Variants in HOOK2 observed in about 807,000 individuals in gnomAD.
HOOK2 encodes the protein protein Hook homolog 2.
In HOOK2, 108 loss-of-function variants were observed where a neutral mutation model predicts 111.9. The ratio of observed to expected loss-of-function variants is 0.96; its 90% CI spans 0.83 to 1.13. The LOEUF is 1.13. HOOK2 is among the 50% of genes most tolerant of loss of function. HOOK2 has a pLI of 0.00. For missense variants in HOOK2, 978 were observed against 951.3 expected (o/e 1.03, Z -0.37); for synonymous variants, 405 against 394.3 (o/e 1.03, Z -0.32).
chr19:12,763,287 G>A lies in HOOK2; in HGVS notation c.2155C>T (p.His719Tyr). ...TGGCTTGATTGTGAGGTCTGTCAGT[G>A]CTTGTCAGTGGGGCGAAGGTTCAGA... ...ASLNLRPTDK[H>Y] Residue 719 changes from histidine to tyrosine, a missense_variant, in exon 23 of 23, where the codon CAC (histidine) becomes TAC (tyrosine). Around this residue, in one of 5 missense-constraint regions of HOOK2, gnomAD observed 277 missense variants for 265.8 expected, o/e 1.04. Transcript: ENST00000397668. The A allele has an allele frequency of 1.5e-5, 24 of 1,613,306 alleles. No homozygotes were observed. The highest frequency in any genetic ancestry group is 1.9e-5 in the Non-Finnish European group (23 of 1,179,830).
chr19:12,775,996 GCCTCCCGA>G (rs1421640656), upstream of HOOK2, among the ~76,000 whole-genome samples: 12 of 144,332 alleles, frequency 8.3e-5, no homozygotes, highest in Admixed American at 8.4e-4. Context: ...TCCTGCCTCA[GCCTCCCGA>G]GTAGCTGGGA....
At chr19:12,768,629 A>C (rs1968225339) in intron 11 of HOOK2, among the ~76,000 whole-genome samples, 1 of 151,738 alleles carries the variant, frequency 6.6e-6, no homozygotes, top group Admixed American at 6.6e-5. Flanking sequence ...TTTTTTAAAA[A>C]AAATTTAAAA....
intron 13 of HOOK2, 132 bp from the exon 14 acceptor site, chr19:12,767,596 C>T (rs1016492921): frequency 7.7e-6 from 7 of 906,396 alleles, no homozygotes; most frequent in Middle Eastern, 2.2e-4. Context: ...GCTCCATCCC[C>T]GGCTTGATAG....
chr19:12,777,462 AG>A (rs1405439362), upstream of HOOK2, among the ~76,000 whole-genome samples: 1 of 152,202 alleles, frequency 6.6e-6, no homozygotes, highest in Non-Finnish European at 1.5e-5. Context: ...CCTGGACGTC[AG>A]GGGGGAGACC....
upstream of HOOK2, among the ~76,000 whole-genome samples, chr19:12,782,940 T>C (rs1163374976): frequency 6.6e-6 from 1 of 151,602 alleles, no homozygotes; most frequent in Admixed American, 6.6e-5. Flanking sequence ...AGGCGCGTGT[T>C]TCCTTTCCCC....
At chr19:12,770,280 G>C (rs1968278590) in intron 10 of HOOK2, among the ~76,000 whole-genome samples, 198 bp from the exon 11 acceptor site, 1 of 152,070 alleles carries the variant, frequency 6.6e-6, no homozygotes, top group African/African-American at 2.4e-5. Context: ...GGTTAGCCCA[G>C]GGTTATAATC....
intron 3 of HOOK2, 28 bp from the exon 4 acceptor site, chr19:12,773,072 A>G: frequency 1.2e-6 from 2 of 1,610,696 alleles, no homozygotes; most frequent in Non-Finnish European, 1.7e-6. Context: ...ACTGTGGACA[A>G]GTTCAGAGGC....
chr19:12,774,685 G>A lies in HOOK2; in HGVS notation c.188C>T (p.Pro63Leu). 7 of 1,614,124 alleles carry A rather than the reference G, an allele frequency of 4.3e-6. No individual in the cohort carries two copies. The highest frequency in any genetic ancestry group is 5.9e-6 in the Non-Finnish European group (7 of 1,179,986). The change falls in exon 3 of 23, where the codon CCC (proline) becomes CTC (leucine). Residue 63 changes from proline to leucine, a missense_variant. Transcript: ENST00000397668. The part of the protein sequence containing the change: ...WLQGISEDPG[P>L]NWKLKVSNLK... ...ACTTGTCACCTTCAGCTTCCAGTTG[G>A]GACCTGGATCTTCCGAGATGCCCTG...
chr19:12,766,163 TCCTCCTGCCGCTCCCGGTCGGCCG>T lies in HOOK2; in HGVS notation c.1427_1450del (p.Ala476_Glu483del). The stretch of plus-strand genomic sequence containing the variant: ...GGCATCCTCCAGGTGGCGCTGCAGC[TCCTCCTGCCGCTCCCGGTCGGCCG>T]CCTCCTGCCTGCACAGCCGCTTGTT... On this transcript the variant is annotated inframe_deletion, in exon 15 of 23. Transcript: ENST00000397668. 1 of 1,596,120 alleles carries T rather than the reference TCCTCCTGCCGCTCCCGGTCGGCCG, an allele frequency of 6.3e-7. No individual in the cohort carries two copies. The highest frequency in any genetic ancestry group is 1.7e-5 in the Admixed American group (1 of 59,420).
intron 1 of HOOK2, 152 bp from the exon 2 acceptor site, chr19:12,775,049 C>T (rs1968456430): frequency 2.7e-6 from 3 of 1,118,440 alleles, no homozygotes; most frequent in East Asian, 5.1e-5. Context: ...CTTCTGCTCA[C>T]CTGAGACCGG....
At chr19:12,771,655 G>T (rs1296448805) in intron 7 of HOOK2, among the ~76,000 whole-genome samples, 178 bp from the exon 8 acceptor site, 2 of 152,118 alleles carry the variant, frequency 1.3e-5, no homozygotes, top group Non-Finnish European at 2.9e-5. Flanking sequence ...GGCTGAGGCG[G>T]GTGGGTTACC....
At chr19:12,775,024 TCTGCGAGG>T in intron 1 of HOOK2, 127 bp from the exon 2 acceptor site, 1 of 1,123,354 alleles carries the variant, frequency 8.9e-7, no homozygotes, top group Non-Finnish European at 1.3e-6. Context: ...CCACAGCAGC[TCTGCGAGG>T]GACTGGCTTC....
Position 12,786,827 on chromosome 19 carries a change from G to C in HOOK2, n.42-12602C>G, listed in dbSNP as rs532052929. ...TCCCACATGCTGGCCTGTCCACAGA[G>C]ACCCGTGCCCCTCTGTCTGTGCCCC... On this transcript the variant is annotated intron_variant and non_coding_transcript_variant, in intron 3 of 3. Coordinates refer to the HOOK2 transcript ENST00000589765. The surrounding 1 kb of genome is among the most constrained non-coding windows in gnomAD (Gnocchi z 4.3). 1.2e-3 allele frequency among the ~76,000 whole-genome samples: 189 copies of C among 152,186 alleles called. No homozygotes were observed. Among genetic ancestry groups the C allele is most frequent in the Non-Finnish European group, 2.1e-3 (146 of 68,030 alleles).
At chr19:12,764,557 T>C in intron 20 of HOOK2, 1 of 501,506 alleles carries the variant, frequency 2.0e-6, no homozygotes, top group South Asian at 2.5e-5. Context: ...CTCAAACTCC[T>C]GACCTCATGT....
At chr19:12,772,716 G>T (rs1336262502) in intron 5 of HOOK2, 36 bp from the exon 6 acceptor site, 1 of 1,614,004 alleles carries the variant, frequency 6.2e-7, no homozygotes, top group Non-Finnish European at 8.5e-7. Context: ...AGACCCAGGG[G>T]TGAGGTGGGG....
rs1289343327 is a variant in HOOK2 at position 12,763,436 on chromosome 19, A to G, written c.2011-5T>C. 2.5e-6 allele frequency: 4 copies of G among 1,613,706 alleles called. No individual in the cohort carries two copies. The highest frequency in any genetic ancestry group is 3.4e-6 in the Non-Finnish European group (4 of 1,179,800). On this transcript the variant is annotated splice_region_variant and splice_polypyrimidine_tract_variant and intron_variant, in intron 22 of 22. Coordinates refer to ENST00000397668, the MANE Select transcript of HOOK2 (RefSeq NM_013312.3). ...TCGCTGCTGCAAGGCCATGCCCTTC[A>G]GGAGGAGGTGTGGTTGGGGTCAGGT...
chr19:12,771,317 C>G lies in HOOK2; in HGVS notation c.603G>C (p.Leu201=). The G allele has an allele frequency of 1.2e-6, 2 of 1,603,208 alleles. No homozygotes were observed. The highest frequency in any genetic ancestry group is 1.7e-6 in the Non-Finnish European group (2 of 1,174,428). The change falls in exon 9 of 23, where the codon CTG becomes CTC. Residue 201 remains leucine (L), a splice_region_variant and synonymous_variant. Transcript: ENST00000397668. Reference sequence around the variant, plus strand: ...TCTGCTTCTCCTCTGACAGGAGCATCAGCTGCGGGCAGGGCAGAAAGATGA... The same window carrying G: ...TCTGCTTCTCCTCTGACAGGAGCATGAGCTGCGGGCAGGGCAGAAAGATGA... ...QQRCLDLERQ[L]MLLSEEKQSL...
rs1011466366 is a variant in HOOK2, at chr19:12,790,168, C to G, written n.42-15943G>C. 1.3e-5 allele frequency among the ~76,000 whole-genome samples: 2 copies of G among 152,178 alleles called. No individual in the cohort carries two copies. The highest frequency in any genetic ancestry group is 1.3e-4 in the Admixed American group (2 of 15,282). ...GGAGAGGATGGTGGCTGGAGGCTGCCGCGGCTGGGCGGGCTCCAAGCACCC... is the reference window on the plus strand; with the variant it reads ...GGAGAGGATGGTGGCTGGAGGCTGCGGCGGCTGGGCGGGCTCCAAGCACCC... On this transcript the variant is annotated intron_variant and non_coding_transcript_variant, in intron 3 of 3. Coordinates refer to the HOOK2 transcript ENST00000589765. The surrounding 1 kb of genome is among the most constrained non-coding windows in gnomAD (Gnocchi z 7.2).
chr19:12,777,826 A>G (rs1283554751), upstream of HOOK2, among the ~76,000 whole-genome samples: 1 of 152,258 alleles, frequency 6.6e-6, no homozygotes, highest in African/African-American at 2.4e-5. Flanking sequence ...AGCGGGGGTC[A>G]ATGGAAAGTG....
Sources: gnomAD v4.1 joint callset for allele counts (sites outside exome capture counted in the v4.1 genomes callset) on GRCh38, gnomAD v4.1.1 for gene constraint, gnomAD v4.1.1 regional missense constraint, Gnocchi (gnomAD v3.1) non-coding constraint, MANE v1.5 for transcripts, NCBI Gene and HGNC (gene_info 2026-07-23, HGNC 2026-07-21) for gene names.